The following FANCC variants were observed in gnomAD, a reference collection of about 807,000 sequenced individuals.
FANCC encodes FA complementation group C.
In FANCC, 55 loss-of-function variants were observed where a neutral mutation model predicts 71.3. The ratio of observed to expected loss-of-function variants is 0.77; its 90% CI spans 0.62 to 0.97. The LOEUF is 0.97. FANCC is among the 50% of genes least tolerant of loss of function. The pLI is 0.00. For missense variants in FANCC, 678 were observed against 670.9 expected, an observed-to-expected ratio of 1.01 and a Z score of -0.12; for synonymous variants, 275 against 244.9, an observed-to-expected ratio of 1.12 and a Z score of -1.15.
intron 4 of FANCC, among the ~76,000 whole-genome samples, chr9:95,233,653 G>A (rs2136007520): frequency 6.6e-6 from 1 of 152,288 alleles, no homozygotes; most frequent in Admixed American, 6.5e-5. Flanking sequence ...TATTAGGGTT[G>A]AGAAAAGATG....
chr9:95,240,556 C>A, intron 4 of FANCC, 93 bp downstream of exon 4: 1 of 813,468 alleles, frequency 1.2e-6, no homozygotes, highest in South Asian at 1.5e-5. Context: ...CATCATAGAA[C>A]TGGATTCCAC....
intron 3 of FANCC, among the ~76,000 whole-genome samples, chr9:95,243,293 T>C (rs1279724796): frequency 1.3e-5 from 2 of 152,230 alleles, no homozygotes; most frequent in Non-Finnish European, 2.9e-5. Context: ...AGTATTTTTA[T>C]GCTGAGGACA....
At chr9:95,199,731 A>C (rs1002138389) in intron 4 of FANCC, among the ~76,000 whole-genome samples, 3 of 152,198 alleles carry the variant, frequency 2.0e-5, no homozygotes, top group African/African-American at 7.2e-5. Flanking sequence ...GAGTGTTTAC[A>C]GTAGTGACTT....
At chr9:95,288,419 G>A (rs538279432) in intron 1 of FANCC, among the ~76,000 whole-genome samples, 1 of 152,284 alleles carries the variant, frequency 6.6e-6, no homozygotes, top group Non-Finnish European at 1.5e-5. Flanking sequence ...AAAACCGCTA[G>A]GCTATTCTTT....
intron 1 of FANCC, chr9:95,292,854 T>C (rs753474210): frequency 3.2e-6 from 5 of 1,585,450 alleles, no homozygotes; most frequent in East Asian, 2.2e-5. Context: ...CAGCAATTCG[T>C]ACGGTACAGA....
chr9:95,128,084 G>A (rs1286800473), intron 8 of FANCC, among the ~76,000 whole-genome samples: 9 of 152,190 alleles, frequency 5.9e-5, no homozygotes, highest in Non-Finnish European at 8.8e-5. Flanking sequence ...AGAGAGGAGA[G>A]GCAGGTTATT....
In FANCC at chr9:95,294,820, T is replaced by G. The variant is rs1254055854; in HGVS notation, c.-79+22706A>C. The G allele has an allele frequency of 1.4e-5, 22 of 1,532,692 alleles. No individual in the cohort carries two copies. In the East Asian group the frequency reaches 4.7e-4, roughly 33 times the overall value. The allele number at this position is 1,532,692 out of a possible 1,614,324, so 94.9% of individuals were successfully genotyped here. A position where few individuals can be genotyped will look rare whatever the true frequency, so the allele number is the denominator to read the frequency against. On this transcript the variant is annotated intron_variant, in intron 1 of 14. Coordinates refer to ENST00000289081, the MANE Select transcript of FANCC (RefSeq NM_000136.3). ...AGTCTCCAACTTCTAAAACTAACAGTGGAGTCCATGTGTGAGACGGCATCT... is the reference window on the plus strand; with the variant it reads ...AGTCTCCAACTTCTAAAACTAACAGGGGAGTCCATGTGTGAGACGGCATCT...
chr9:95,223,659 T>G (rs994784073), intron 4 of FANCC, among the ~76,000 whole-genome samples: 1 of 152,188 alleles, frequency 6.6e-6, no homozygotes, highest in Non-Finnish European at 1.5e-5. Flanking sequence ...TTCTTCTCAG[T>G]CTTCACCAAA....
chr9:95,204,343 T>A (rs356684), intron 4 of FANCC, among the ~76,000 whole-genome samples: 28,935 of 152,078 alleles, frequency 0.19, 2,892 homozygotes, highest in East Asian at 0.3. Flanking sequence ...TGGATATCCA[T>A]CACAAGGACA....
At chr9:95,270,347 A>C (rs1832647355) in intron 1 of FANCC, among the ~76,000 whole-genome samples, 1 of 152,218 alleles carries the variant, frequency 6.6e-6, no homozygotes, top group South Asian at 2.1e-4. Flanking sequence ...GCCTGTACAA[A>C]GCAACCACCC....
At chr9:95,167,406 T>C (rs1825371937) in intron 6 of FANCC, among the ~76,000 whole-genome samples, 1 of 152,190 alleles carries the variant, frequency 6.6e-6, no homozygotes, top group Non-Finnish European at 1.5e-5. Flanking sequence ...TCTCTGCCCC[T>C]TTCTCTCTTA....
intron 4 of FANCC, among the ~76,000 whole-genome samples, chr9:95,200,255 A>G (rs189580871): frequency 2.5e-4 from 38 of 152,278 alleles, no homozygotes; most frequent in African/African-American, 8.9e-4. Flanking sequence ...CCCACCACTT[A>G]CTGGCTACAT....
At chr9:95,250,120 G>A (rs1365301958) in intron 1 of FANCC, among the ~76,000 whole-genome samples, 1 of 152,142 alleles carries the variant, frequency 6.6e-6, no homozygotes, top group Non-Finnish European at 1.5e-5. Flanking sequence ...GTTACACAGT[G>A]AGACTCAGGT....
At chr9:95,185,549 A>C (rs1160080532) in intron 4 of FANCC, among the ~76,000 whole-genome samples, 2 of 152,222 alleles carry the variant, frequency 1.3e-5, no homozygotes, top group African/African-American at 4.8e-5. Flanking sequence ...GAAACAAATC[A>C]TGCCCAATTC....
In FANCC at chr9:95,101,459, G is replaced by T. The variant is rs1252015599; in HGVS notation, c.*248C>A. ...ATCAAGCTGACGGTCTGGCCGGGCG[G>T]GCACCAGGAGTACCGAAGGCTCACT... On this transcript the variant is annotated 3_prime_UTR_variant, in exon 15 of 15. Coordinates refer to ENST00000289081, the MANE Select transcript of FANCC (RefSeq NM_000136.3). The T allele has an allele frequency of 1.8e-6, 1 of 560,918 alleles. No individual in the cohort carries two copies. The highest frequency in any genetic ancestry group is 3.2e-6 in the Non-Finnish European group (1 of 312,340). 34.7% of individuals were successfully genotyped at this position (560,918 alleles called of 1,614,324 possible). A position where few individuals can be genotyped will look rare whatever the true frequency, so the allele number is the denominator to read the frequency against.
chr9:95,315,297 T>C (rs1376500599), intron 1 of FANCC, among the ~76,000 whole-genome samples: 1 of 152,162 alleles, frequency 6.6e-6, no homozygotes, highest in East Asian at 1.9e-4. Flanking sequence ...GCAATCACAG[T>C]TCACTGTGGC....
intron 4 of FANCC, among the ~76,000 whole-genome samples, chr9:95,205,240 T>TA (rs1312734629): frequency 6.6e-6 from 1 of 152,014 alleles, no homozygotes; most frequent in African/African-American, 2.4e-5. Context: ...TCAGCTTATG[T>TA]AAAAAAAGGT....
intron 8 of FANCC, among the ~76,000 whole-genome samples, chr9:95,131,536 C>G (rs1826915278): frequency 1.3e-5 from 2 of 152,200 alleles, no homozygotes; most frequent in African/African-American, 2.4e-5. Flanking sequence ...TGGTGCCCCC[C>G]TGAGGCTAAT....
intron 1 of FANCC, among the ~76,000 whole-genome samples, chr9:95,258,410 G>A (rs1358220100): frequency 6.6e-6 from 1 of 151,980 alleles, no homozygotes; most frequent in Admixed American, 6.6e-5. Flanking sequence ...AATGCAATCC[G>A]TCACATAAAC....
Sources: allele counts gnomAD v4.1 joint callset (sites outside exome capture counted in the v4.1 genomes callset), GRCh38; gene constraint gnomAD v4.1.1; transcripts MANE v1.5; gene names NCBI Gene and HGNC (gene_info 2026-07-23, HGNC 2026-07-21).